Variants in RBBP9 observed in about 807,000 individuals in gnomAD.
RBBP9 encodes RB binding protein 9, serine hydrolase, also known as serine hydrolase RBBP9.
Under a neutral mutation model 24.2 loss-of-function variants are expected in RBBP9, and 20 were observed. The ratio of observed to expected loss-of-function variants is 0.83; its 90% CI spans 0.58 to 1.20. The LOEUF is 1.20. Among genes scored for constraint, RBBP9 ranks in the 50% most tolerant of loss-of-function variants. The pLI is 0.00. For synonymous variants in RBBP9, 74 were observed against 84.6 expected (o/e 0.87, Z 0.69); for missense variants, 234 against 233.6 (o/e 1.00, Z -0.01).
rs981646575 is a variant in RBBP9, at chr20:18,488,331, C to T, written c.*1433G>A. 35 of 151,986 alleles carry T rather than the reference C, an allele frequency of 2.3e-4. No homozygotes were observed. The highest frequency in any genetic ancestry group is 6.3e-4 in the African/African-American group (26 of 41,448). The allele number at this position is 151,986 out of a possible 1,614,324, so 9.4% of individuals were successfully genotyped here. On this transcript the variant is annotated 3_prime_UTR_variant, in exon 5 of 5. Coordinates refer to ENST00000337227, the MANE Select transcript of RBBP9 (RefSeq NM_006606.3). ...TCACCCAGGATGGAGTACAGTGGCG[C>T]GATCATAGCTCACTGAAGGCTCAAA...
chr20:18,489,708 T>C lies in RBBP9; in HGVS notation c.*56A>G, dbSNP rs1047954536. On this transcript the variant is annotated 3_prime_UTR_variant, in exon 5 of 5. Coordinates refer to ENST00000337227, the MANE Select transcript of RBBP9 (RefSeq NM_006606.3). ...TTCTATGTGTCTAGTAATCAGCTGA[T>C]AGTAGATATTATTCTACTCCTATAT... 2.0e-5 allele frequency: 23 copies of C among 1,152,008 alleles called. No homozygotes were observed. The highest frequency in any genetic ancestry group is 7.7e-6 in the Non-Finnish European group (6 of 774,774). 71.4% of individuals were successfully genotyped at this position (1,152,008 alleles called of 1,614,324 possible).
chr20:18,494,108 A>G, intron 2 of RBBP9, 45 bp from the exon 3 acceptor site: 1 of 1,496,202 alleles, frequency 6.7e-7, no homozygotes, highest in Non-Finnish European at 9.3e-7. Context: ...TGATAGTGGC[A>G]GTCTGAATCC....
At chr20:18,491,680 A>C (rs1181215246) in intron 3 of RBBP9, among the ~76,000 whole-genome samples, 1 of 152,198 alleles carries the variant, frequency 6.6e-6, no homozygotes, top group Non-Finnish European at 1.5e-5. Flanking sequence ...AAAGACACAT[A>C]GTAGTAATAA....
intron 4 of RBBP9, 59 bp from the exon 5 acceptor site, chr20:18,490,049 C>T: frequency 8.0e-7 from 1 of 1,242,294 alleles, no homozygotes; most frequent in Non-Finnish European, 1.1e-6. Context: ...TCTAGATATT[C>T]TAAAATACCT....
intron 3 of RBBP9, among the ~76,000 whole-genome samples, chr20:18,492,868 G>A (rs1009821357): frequency 6.6e-6 from 1 of 152,162 alleles, no homozygotes; most frequent in East Asian, 1.9e-4. Context: ...GCCTTGAGTT[G>A]GAACAGAATT....
At chr20:18,493,275 G>A (rs1253180151) in intron 3 of RBBP9, among the ~76,000 whole-genome samples, 2 of 152,176 alleles carry the variant, frequency 1.3e-5, no homozygotes, top group African/African-American at 2.4e-5. Context: ...TCGCAGGTGA[G>A]TAACACTGCA....
intron 3 of RBBP9, 75 bp downstream of exon 3, chr20:18,493,883 G>A (rs886315655): frequency 6.1e-5 from 70 of 1,143,124 alleles, no homozygotes; most frequent in Middle Eastern, 5.4e-4. Flanking sequence ...AGAAATTTAA[G>A]ATATACGCAA....
rs139547898 is a variant in RBBP9, at chr20:18,496,559, G to A, written c.99+510C>T. Among the ~76,000 whole-genome samples, 82 of 152,260 alleles carry A rather than the reference G, an allele frequency of 5.4e-4. 1 individual carries two copies. Among genetic ancestry groups the A allele is most frequent in the Non-Finnish European group, 1.0e-3 (68 of 68,024 alleles). On this transcript the variant is annotated intron_variant, in intron 1 of 4. Transcript: ENST00000337227. ...AAGAGAAGCAGATGAAAAAATTCAGGATGGCACGGGACTGAGATGGGTAGA... is the reference window on the plus strand; with the variant it reads ...AAGAGAAGCAGATGAAAAAATTCAGAATGGCACGGGACTGAGATGGGTAGA...
At chr20:18,496,592 G>A (rs144149181) in intron 1 of RBBP9, among the ~76,000 whole-genome samples, 13 of 152,278 alleles carry the variant, frequency 8.5e-5, no homozygotes, top group Middle Eastern at 6.8e-3. Context: ...AGACATAAGG[G>A]TCGTTTGGAA....
chr20:18,496,807 C>T (rs2059888283), intron 1 of RBBP9, among the ~76,000 whole-genome samples: 1 of 152,158 alleles, frequency 6.6e-6, no homozygotes, highest in Admixed American at 6.5e-5. Context: ...GGGGGCGGGG[C>T]TCAGGGGCTC....
In RBBP9 at chr20:18,489,615, T is replaced by C. The variant is rs2059856497; in HGVS notation, c.*149A>G. The C allele has an allele frequency of 6.7e-6, 4 of 593,994 alleles. No individual in the cohort carries two copies. Among genetic ancestry groups the C allele is most frequent in the Non-Finnish European group, 1.2e-5 (4 of 335,698 alleles). The allele number at this position is 593,994 out of a possible 1,614,324, so 36.8% of individuals were successfully genotyped here. ...GAGTCTATGGAAAATGGAAGTGCTATTTGTAACTTAGATTGAATGTTGAAA... is the reference window on the plus strand; with the variant it reads ...GAGTCTATGGAAAATGGAAGTGCTACTTGTAACTTAGATTGAATGTTGAAA... On this transcript the variant is annotated 3_prime_UTR_variant, in exon 5 of 5. Transcript: ENST00000337227.
At chr20:18,493,194 G>A (rs1301182367) in intron 3 of RBBP9, among the ~76,000 whole-genome samples, 2 of 152,180 alleles carry the variant, frequency 1.3e-5, no homozygotes, top group South Asian at 2.1e-4. Context: ...GCCTTATAAG[G>A]CTAAAAGGGG....
intron 3 of RBBP9, among the ~76,000 whole-genome samples, chr20:18,493,101 A>G (rs2059871530): frequency 6.6e-6 from 1 of 152,200 alleles, no homozygotes; most frequent in Admixed American, 6.5e-5. Flanking sequence ...ATCCTTTGTC[A>G]TTTTGCCTAG....
chr20:18,493,440 A>C (rs1237971765), intron 3 of RBBP9, among the ~76,000 whole-genome samples: 1 of 152,186 alleles, frequency 6.6e-6, no homozygotes, highest in African/African-American at 2.4e-5. Context: ...TGCAGATAAT[A>C]AGATATAAAA....
rs751533283 is a variant in RBBP9 at position 18,489,998 on chromosome 20, G to GA, written c.335-9dup. On this transcript the variant is annotated splice_polypyrimidine_tract_variant and intron_variant, in intron 4 of 4. Transcript: ENST00000337227. ...AGGGGCGGGTGAAGTATCCTATGGG[G>GA]AAAAAAAAATGATCTTTCAGTACCC... 948 of 1,475,408 alleles carry GA rather than the reference G, an allele frequency of 6.4e-4. No individual in the cohort carries two copies. Among genetic ancestry groups the GA allele is most frequent in the Admixed American group, 1.2e-3 (61 of 52,350 alleles). 91.4% of individuals were successfully genotyped at this position (1,475,408 alleles called of 1,614,324 possible). A position where few individuals can be genotyped will look rare whatever the true frequency, so the allele number is the denominator to read the frequency against.
Position 18,489,840 on chromosome 20 carries a change from TCA to T in RBBP9, c.483_484del (p.Asp162LeufsTer11), listed in dbSNP as rs1199722778. On this transcript the variant is annotated frameshift_variant, in exon 5 of 5. Transcript: ENST00000337227. LOFTEE classifies it high-confidence loss of function. ...CTCTGTGTTCTGAAAGTGGCCACAGTCAGTGAATTTGTGCAATTTGGTTTCCA... is the reference window on the plus strand; with the variant it reads ...CTCTGTGTTCTGAAAGTGGCCACAGTGTGAATTTGTGCAATTTGGTTTCCA... 1 of 1,613,990 alleles carries T rather than the reference TCA, an allele frequency of 6.2e-7. No homozygotes were observed. The highest frequency in any genetic ancestry group is 8.5e-7 in the Non-Finnish European group (1 of 1,179,986).
At chr20:18,493,209 G>A (rs1422614316) in intron 3 of RBBP9, among the ~76,000 whole-genome samples, 13 of 152,182 alleles carry the variant, frequency 8.5e-5, no homozygotes, top group Admixed American at 8.5e-4. Flanking sequence ...AAGGGGAGAT[G>A]TAATATTCTA....
Position 18,487,501 on chromosome 20 carries a change from G to T in RBBP9, c.*2263C>A, listed in dbSNP as rs2059848655. 1 of 152,034 alleles carries T rather than the reference G, an allele frequency of 6.6e-6. No homozygotes were observed. Among genetic ancestry groups the T allele is most frequent in the South Asian group, 2.1e-4 (1 of 4,822 alleles). 9.4% of individuals were successfully genotyped at this position (152,034 alleles called of 1,614,324 possible). A position where few individuals can be genotyped will look rare whatever the true frequency, so the allele number is the denominator to read the frequency against. The stretch of plus-strand genomic sequence containing the variant: ...GAATCAAACTTTGACTATAGATTTG[G>T]TCAAATTAGTGCTAAACAGCCTCTT... On this transcript the variant is annotated 3_prime_UTR_variant, in exon 5 of 5. Coordinates refer to ENST00000337227, the MANE Select transcript of RBBP9 (RefSeq NM_006606.3).
Position 18,493,988 on chromosome 20 carries a change from C to A in RBBP9, c.218G>T (p.Gly73Val). 6.2e-7 allele frequency: 1 copy of A among 1,613,234 alleles called. No individual in the cohort carries two copies. Among genetic ancestry groups the A allele is most frequent in the Non-Finnish European group, 8.5e-7 (1 of 1,179,704 alleles). Residue 73 changes from glycine (G) to valine (V), a missense_variant, in exon 3 of 5, where the codon GGC (glycine) becomes GTC (valine). Coordinates refer to ENST00000337227, the MANE Select transcript of RBBP9 (RefSeq NM_006606.3). ...LHCDEKTIIIGHSSGAIAAMR... is the reference protein window; with the variant it reads ...LHCDEKTIIIVHSSGAIAAMR... ...GGCCGCGATGGCCCCAGAACTGTGG[C>A]CAATGATGATAGTCTTCTCATCACA...
Sources: gnomAD v4.1 joint callset for allele counts (sites outside exome capture counted in the v4.1 genomes callset) on GRCh38, gnomAD v4.1.1 for gene constraint, MANE v1.5 for transcripts, NCBI Gene and HGNC (gene_info 2026-07-23, HGNC 2026-07-21) for gene names.